The following SLC41A2 variants were observed in gnomAD, a reference collection of about 807,000 sequenced individuals.
SLC41A2 encodes the protein SLC41A1-like 1.
Under a neutral mutation model 58.3 loss-of-function variants are expected in SLC41A2, and 32 were observed. That is an observed-to-expected ratio of 0.55 (90% confidence interval 0.41 to 0.74). The LOEUF is 0.74. Ranked by LOEUF, SLC41A2 falls within the 30% of genes least tolerant of loss-of-function variation. The pLI is 0.00. For synonymous variants in SLC41A2, 190 were observed against 235.0 expected, an observed-to-expected ratio of 0.81 and a Z score of 1.75; for missense variants, 514 against 680.6, an observed-to-expected ratio of 0.76 and a Z score of 2.72.
At chr12:104,814,300 C>T (rs2041299867) in intron 10 of SLC41A2, among the ~76,000 whole-genome samples, 1 of 151,942 alleles carries the variant, frequency 6.6e-6, no homozygotes. Context: ...TGGGAGGATC[C>T]CTTGAGTCCA....
chr12:104,954,190 T>G (rs552344078), intron 1 of SLC41A2, among the ~76,000 whole-genome samples: 1 of 152,126 alleles, frequency 6.6e-6, no homozygotes, highest in Non-Finnish European at 1.5e-5. Context: ...CTACTATCCC[T>G]CCTCAAGTCA....
At chr12:104,934,546 G>A (rs2047189609) in intron 1 of SLC41A2, among the ~76,000 whole-genome samples, 1 of 152,026 alleles carries the variant, frequency 6.6e-6, no homozygotes, top group Non-Finnish European at 1.5e-5. Flanking sequence ...AAAGTAGAGT[G>A]GTTAAAATCA....
chr12:104,879,734 C>A (rs2044265233), intron 6 of SLC41A2, among the ~76,000 whole-genome samples: 1 of 152,110 alleles, frequency 6.6e-6, no homozygotes, highest in Non-Finnish European at 1.5e-5. Flanking sequence ...CAGCATGACG[C>A]CTCCAGCTTT....
intron 1 of SLC41A2, among the ~76,000 whole-genome samples, chr12:104,940,640 G>A (rs1259838913): frequency 2.0e-4 from 30 of 150,170 alleles, no homozygotes; most frequent in African/African-American, 6.8e-4. Context: ...GCTCCTGGCC[G>A]GGCATGGTAG....
intron 4 of SLC41A2, among the ~76,000 whole-genome samples, chr12:104,891,217 T>C (rs1308898842): frequency 6.6e-6 from 1 of 152,118 alleles, no homozygotes; most frequent in Non-Finnish European, 1.5e-5. Context: ...CACACTTTCT[T>C]GGTGGAGTAA....
intron 3 of SLC41A2, among the ~76,000 whole-genome samples, chr12:104,896,144 T>A (rs926158790): frequency 2.0e-5 from 3 of 152,180 alleles, no homozygotes; most frequent in African/African-American, 4.8e-5. Context: ...GATAAGTTGA[T>A]AAAGAGGAAG....
intron 6 of SLC41A2, among the ~76,000 whole-genome samples, chr12:104,880,653 T>C (rs1205914070): frequency 6.6e-6 from 1 of 152,158 alleles, no homozygotes; most frequent in African/African-American, 2.4e-5. Flanking sequence ...GCCTTGCATC[T>C]CAGGGATGAA....
chr12:104,872,336 G>T (rs2043826136), intron 6 of SLC41A2, among the ~76,000 whole-genome samples: 1 of 152,284 alleles, frequency 6.6e-6, no homozygotes, highest in Non-Finnish European at 1.5e-5. Context: ...CTTTAGGCTT[G>T]TTTGTTTCAC....
In SLC41A2 at chr12:104,897,304, C is replaced by G. The variant is rs1441175443; in HGVS notation, c.664-1959G>C. Among the ~76,000 whole-genome samples the G allele has an allele frequency of 2.0e-5, 3 of 151,962 alleles. No individual in the cohort carries two copies. In the East Asian group the frequency reaches 5.8e-4, roughly 29 times the overall value. On this transcript the variant is annotated intron_variant, in intron 3 of 10. Transcript: ENST00000258538. ...GTGATTACAGGTGCCCACCACCATGCCCAGCTAATCTGTGTATTTTAGTAG... is the reference window on the plus strand; with the variant it reads ...GTGATTACAGGTGCCCACCACCATGGCCAGCTAATCTGTGTATTTTAGTAG...
intron 2 of SLC41A2, among the ~76,000 whole-genome samples, chr12:104,912,541 G>A (rs1418056332): frequency 6.6e-6 from 1 of 152,176 alleles, no homozygotes; most frequent in Non-Finnish European, 1.5e-5. Context: ...GAGCACACAG[G>A]GAGGGCATGA....
chr12:104,905,963 A>T (rs1216591371), intron 3 of SLC41A2, among the ~76,000 whole-genome samples: 1 of 152,216 alleles, frequency 6.6e-6, no homozygotes, highest in Non-Finnish European at 1.5e-5. Flanking sequence ...GGGCTCCCAC[A>T]GTGCAGTGGG....
chr12:104,941,553 A>G (rs1555218221), intron 1 of SLC41A2, among the ~76,000 whole-genome samples: 1 of 152,254 alleles, frequency 6.6e-6, no homozygotes, highest in East Asian at 1.9e-4. Context: ...AGAAGGATAT[A>G]TCAAAAGCAA....
intron 2 of SLC41A2, among the ~76,000 whole-genome samples, chr12:104,915,583 T>A (rs1214716940): frequency 6.6e-6 from 1 of 152,238 alleles, no homozygotes; most frequent in Admixed American, 6.5e-5. Flanking sequence ...CTGTTATTGG[T>A]GTATAAGAAT....
chr12:104,890,902 G>A (rs1481578074), intron 4 of SLC41A2, among the ~76,000 whole-genome samples: 1 of 152,136 alleles, frequency 6.6e-6, no homozygotes, highest in African/African-American at 2.4e-5. Flanking sequence ...TGAGCAAGTG[G>A]GAGTGTGGGC....
chr12:104,949,584 T>C (rs2047874472), intron 1 of SLC41A2, among the ~76,000 whole-genome samples: 1 of 152,176 alleles, frequency 6.6e-6, no homozygotes, highest in Non-Finnish European at 1.5e-5. Flanking sequence ...GATGGTGAGC[T>C]AAACTTTTTC....
At chr12:104,952,583 G>A (rs2047996556) in intron 1 of SLC41A2, among the ~76,000 whole-genome samples, 1 of 152,080 alleles carries the variant, frequency 6.6e-6, no homozygotes, top group Admixed American at 6.6e-5. Flanking sequence ...TTTCCTCTAA[G>A]ATAAATCCAA....
At chr12:104,878,299 T>TTTTATA (rs1555206630) in intron 6 of SLC41A2, among the ~76,000 whole-genome samples, 2 of 139,920 alleles carry the variant, frequency 1.4e-5, no homozygotes, top group South Asian at 2.4e-4. Context: ...TACCTGTATT[T>TTTTATA]TATATATATA....
chr12:104,941,054 A>C (rs1222338558), intron 1 of SLC41A2, among the ~76,000 whole-genome samples: 1 of 152,184 alleles, frequency 6.6e-6, no homozygotes, highest in Non-Finnish European at 1.5e-5. Context: ...TAGGGAACAG[A>C]GAGTGAAATC....
At chr12:104,807,172 T>G (rs949647064) in intron 10 of SLC41A2, among the ~76,000 whole-genome samples, 1 of 152,222 alleles carries the variant, frequency 6.6e-6, no homozygotes, top group African/African-American at 2.4e-5. Context: ...TTGCCTAGGT[T>G]TTCTTCTAGG....
Sources: allele counts gnomAD v4.1 joint callset (sites outside exome capture counted in the v4.1 genomes callset), GRCh38; gene constraint gnomAD v4.1.1; transcripts MANE v1.5; gene names NCBI Gene and HGNC (gene_info 2026-07-23, HGNC 2026-07-21).